RSU1: variants seen among roughly 807,000 people sequenced by gnomAD.
RSU1 encodes the protein rsu-1.
In RSU1, 26 loss-of-function variants were observed where a neutral mutation model predicts 31.1. That is an observed-to-expected ratio of 0.84 (90% CI 0.61 to 1.16). The LOEUF (loss-of-function observed/expected upper bound fraction) is 1.16, where lower values mean the gene tolerates loss of function less well. Among genes scored for constraint, RSU1 ranks in the 50% most tolerant of loss-of-function variants. The pLI is 0.00. For missense variants in RSU1, 320 were observed against 339.1 expected (o/e 0.94, Z 0.44); for synonymous variants, 164 against 136.3 (o/e 1.20, Z -1.41).
At chr10:16,776,393 A>T (rs1374620617) in intron 3 of RSU1, among the ~76,000 whole-genome samples, 2 of 152,212 alleles carry the variant, frequency 1.3e-5, no homozygotes, top group Admixed American at 6.5e-5. Flanking sequence ...TTTGATAAAT[A>T]AATTATTGAA....
chr10:16,740,213 C>T (rs994453082), intron 7 of RSU1, among the ~76,000 whole-genome samples: 153 of 151,982 alleles, frequency 1.0e-3, no homozygotes, highest in Non-Finnish European at 2.2e-4. Flanking sequence ...AAGTAAAATA[C>T]TAACAAATGA....
intron 2 of RSU1, among the ~76,000 whole-genome samples, chr10:16,784,470 G>C (rs1040813595): frequency 2.6e-5 from 4 of 152,194 alleles, no homozygotes; most frequent in African/African-American, 9.7e-5. Context: ...AGAAGCATCT[G>C]ATTCTGGGGA....
intron 8 of RSU1, among the ~76,000 whole-genome samples, chr10:16,673,427 A>C (rs1382785521): frequency 6.6e-6 from 1 of 152,240 alleles, no homozygotes; most frequent in African/African-American, 2.4e-5. Flanking sequence ...GAAAGAAACA[A>C]AATACCAATT....
intron 7 of RSU1, among the ~76,000 whole-genome samples, chr10:16,711,987 T>A (rs1047429482): frequency 4.6e-5 from 7 of 152,334 alleles, no homozygotes; most frequent in Admixed American, 2.6e-4. Flanking sequence ...TTATGTGCAA[T>A]CATGTTTGTT....
Position 16,616,715 on chromosome 10 carries a change from C to T in RSU1, c.732-23219G>A, listed in dbSNP as rs142412308. On this transcript the variant is annotated intron_variant, in intron 8 of 8. Coordinates refer to ENST00000345264, the MANE Select transcript of RSU1 (RefSeq NM_012425.4). ...TGGGATGCAAGGCTGGTTCAGCATA[C>T]GCAAATCAATAAAAGTAATCCATCA... Among the ~76,000 whole-genome samples the T allele has an allele frequency of 5.1e-3, 774 of 152,286 alleles. 5 individuals carry two copies. Among genetic ancestry groups the T allele is most frequent in the African/African-American group, 0.018 (729 of 41,568 alleles).
chr10:16,711,273 G>T (rs1207721026), intron 7 of RSU1, among the ~76,000 whole-genome samples: 2 of 151,812 alleles, frequency 1.3e-5, no homozygotes, highest in Non-Finnish European at 2.9e-5. Context: ...TTCCATCTCT[G>T]ATTTTACTTG....
At chr10:16,785,396 C>T (rs980552180) in intron 2 of RSU1, among the ~76,000 whole-genome samples, 10 of 103,752 alleles carry the variant, frequency 9.6e-5, no homozygotes, top group Non-Finnish European at 1.3e-4. Context: ...TTCACTCTCT[C>T]TCTATCTTTC....
intron 7 of RSU1, among the ~76,000 whole-genome samples, chr10:16,738,127 A>G (rs1043415393): frequency 6.6e-6 from 1 of 152,190 alleles, no homozygotes; most frequent in Non-Finnish European, 1.5e-5. Flanking sequence ...CAACGGAGAA[A>G]AACTTCTAAC....
intron 8 of RSU1, among the ~76,000 whole-genome samples, chr10:16,646,985 T>TC (rs796864422): frequency 2.4e-4 from 36 of 149,646 alleles, no homozygotes; most frequent in African/African-American, 8.4e-4. Flanking sequence ...TGCAACTTTT[T>TC]TTTTTTTTTT....
At chr10:16,689,073 T>C (rs1835494554) in intron 8 of RSU1, among the ~76,000 whole-genome samples, 1 of 151,754 alleles carries the variant, frequency 6.6e-6, no homozygotes, top group Admixed American at 6.6e-5. Context: ...TACACAGAAA[T>C]TGTTTTTCTG....
intron 8 of RSU1, among the ~76,000 whole-genome samples, chr10:16,621,664 G>C (rs1234422735): frequency 6.6e-6 from 1 of 152,158 alleles, no homozygotes; most frequent in Non-Finnish European, 1.5e-5. Context: ...ATGGCGGCAG[G>C]CAAGAAAGCT....
In RSU1 at chr10:16,668,448, G is replaced by A. The variant is rs374666856; in HGVS notation, c.731+26575C>T. 8.5e-5 allele frequency among the ~76,000 whole-genome samples: 13 copies of A among 152,306 alleles called. No homozygotes were observed. The East Asian group carries it at 9.6e-4, about 11-fold the overall frequency. ...GCAAAATATATTACCTAGCTAGATC[G>A]TCTTGGGTTGGTCATTTAATCATTT... is the stretch of plus-strand genomic sequence containing the variant. On this transcript the variant is annotated intron_variant, in intron 8 of 8. Coordinates refer to ENST00000345264, the MANE Select transcript of RSU1 (RefSeq NM_012425.4).
intron 8 of RSU1, among the ~76,000 whole-genome samples, chr10:16,683,844 T>G (rs1005341484): frequency 1.3e-5 from 2 of 152,218 alleles, no homozygotes; most frequent in African/African-American, 4.8e-5. Flanking sequence ...CAATTCAACT[T>G]CAATTCAATT....
chr10:16,793,581 A>T (rs1452905577), intron 2 of RSU1, among the ~76,000 whole-genome samples: 1 of 152,196 alleles, frequency 6.6e-6, no homozygotes, highest in Non-Finnish European at 1.5e-5. Flanking sequence ...AATACACAGA[A>T]AAACTATTTC....
At chr10:16,682,535 T>TACACACACACACAC (rs68128821) in intron 8 of RSU1, among the ~76,000 whole-genome samples, 2 of 26,478 alleles carry the variant, frequency 7.6e-5, no homozygotes, top group Admixed American at 3.5e-4. Flanking sequence ...AAATCATTCA[T>TACACACACACACAC]ACACACACAC....
intron 2 of RSU1, among the ~76,000 whole-genome samples, chr10:16,785,479 T>TACATATATACATATATATACAC (rs1564357354): frequency 7.3e-6 from 1 of 137,844 alleles, no homozygotes; most frequent in African/African-American, 2.8e-5. Flanking sequence ...TACACATATA[T>TACATATATACATATATATACAC]ACATATATAC....
At chr10:16,604,701 C>T (rs1156662630) in intron 8 of RSU1, among the ~76,000 whole-genome samples, 3 of 152,070 alleles carry the variant, frequency 2.0e-5, no homozygotes, top group Non-Finnish European at 4.4e-5. Context: ...GTTTAAATAC[C>T]GTGATGTGAC....
In RSU1 at chr10:16,728,310, T is replaced by A. The variant is rs909677639; in HGVS notation, c.598+24229A>T. On this transcript the variant is annotated intron_variant, in intron 7 of 8. Coordinates refer to ENST00000345264, the MANE Select transcript of RSU1 (RefSeq NM_012425.4). ...AAAGCTATTAATCATAATATCAATA[T>A]ATAGAATGAGGGAGGAGAGCAAAAT... Among the ~76,000 whole-genome samples, 3 of 152,092 alleles carry A rather than the reference T, an allele frequency of 2.0e-5. No homozygotes were observed. In the East Asian group the frequency reaches 5.8e-4, roughly 29 times the overall value.
chr10:16,657,637 C>T, intron 8 of RSU1, among the ~76,000 whole-genome samples: 1 of 152,038 alleles, frequency 6.6e-6, no homozygotes, highest in East Asian at 1.9e-4. Context: ...TTCCTATAAT[C>T]TTGTTCAGCT....
Sources: gnomAD v4.1 joint callset for allele counts (sites outside exome capture counted in the v4.1 genomes callset) on GRCh38, gnomAD v4.1.1 for gene constraint, MANE v1.5 for transcripts, NCBI Gene and HGNC (gene_info 2026-07-23, HGNC 2026-07-21) for gene names.